ENTREP2: variants seen among roughly 807,000 people sequenced by gnomAD.
The protein encoded by ENTREP2 is protein ENTREP2.
At chr15:29,196,358 T>G in the ENTREP2 span, 1 of 1,503,390 alleles carries the variant, frequency 6.7e-7, no homozygotes, top group Non-Finnish European at 9.0e-7. Context: ...ATCTATATGT[T>G]AATAAGGCTT....
the ENTREP2 span, among the ~76,000 whole-genome samples, chr15:29,596,469 G>A: frequency 3.1e-4 from 47 of 152,186 alleles, no homozygotes; most frequent in African/African-American, 9.6e-4. Flanking sequence ...ATATCCCTAG[G>A]GGGCACAACT....
At chr15:29,466,271 T>A in the ENTREP2 span, among the ~76,000 whole-genome samples, 1 of 152,152 alleles carries the variant, frequency 6.6e-6, no homozygotes, top group Non-Finnish European at 1.5e-5. Context: ...AACAATGATG[T>A]CTGCTTTATG....
At chr15:29,364,294 G>A in the ENTREP2 span, among the ~76,000 whole-genome samples, 2 of 152,112 alleles carry the variant, frequency 1.3e-5, no homozygotes, top group African/African-American at 4.8e-5. Flanking sequence ...AGAGCCAGTT[G>A]GCCTGGGCTG....
chr15:29,148,075 GA>G, the ENTREP2 span, among the ~76,000 whole-genome samples: 1 of 152,132 alleles, frequency 6.6e-6, no homozygotes, highest in Non-Finnish European at 1.5e-5. Flanking sequence ...AATTTATATG[GA>G]ACATGCAGAA....
the ENTREP2 span, among the ~76,000 whole-genome samples, chr15:29,399,685 T>A: frequency 1.3e-5 from 2 of 152,234 alleles, no homozygotes; most frequent in African/African-American, 4.8e-5. Flanking sequence ...TAACTGGTAA[T>A]AGTCTGCTGT....
chr15:29,400,980 A>G, the ENTREP2 span, among the ~76,000 whole-genome samples: 1 of 152,204 alleles, frequency 6.6e-6, no homozygotes, highest in Non-Finnish European at 1.5e-5. Context: ...ACTACGTGCT[A>G]CCTCTTGCCC....
chr15:29,205,781 T>C, the ENTREP2 span, among the ~76,000 whole-genome samples: 1 of 152,260 alleles, frequency 6.6e-6, no homozygotes, highest in Admixed American at 6.5e-5. Flanking sequence ...GTTGATTGTG[T>C]TCTGTGATGA....
the ENTREP2 span, among the ~76,000 whole-genome samples, chr15:29,378,461 A>T: frequency 6.6e-6 from 1 of 152,222 alleles, no homozygotes; most frequent in Non-Finnish European, 1.5e-5. Flanking sequence ...GTTGCTGTGA[A>T]AGTATTTTTG....
chr15:29,604,818 G>C, the ENTREP2 span, among the ~76,000 whole-genome samples: 1 of 152,182 alleles, frequency 6.6e-6, no homozygotes, highest in South Asian at 2.1e-4. Flanking sequence ...CTCAAGCTCA[G>C]TAGTGCTGTC....
the ENTREP2 span, among the ~76,000 whole-genome samples, chr15:29,627,883 TCATC>T: frequency 6.6e-6 from 1 of 152,262 alleles, no homozygotes; most frequent in African/African-American, 2.4e-5. Flanking sequence ...TTTCATTTAT[TCATC>T]CATCCATTGG....
chr15:29,396,275 C>A, the ENTREP2 span, among the ~76,000 whole-genome samples: 2 of 152,032 alleles, frequency 1.3e-5, no homozygotes, highest in Admixed American at 6.6e-5. Context: ...CTCTCTCCCC[C>A]AGCCCCGGGC....
At chr15:29,252,313 T>G in the ENTREP2 span, 7 of 1,107,660 alleles carry the variant, frequency 6.3e-6, no homozygotes, top group Non-Finnish European at 9.3e-6. Flanking sequence ...AAATTGCTCT[T>G]GTACAAAATC....
the ENTREP2 span, among the ~76,000 whole-genome samples, chr15:29,472,712 G>T: frequency 6.6e-6 from 1 of 152,120 alleles, no homozygotes; most frequent in African/African-American, 2.4e-5. Flanking sequence ...TGATCCATCT[G>T]CCTTGGCCTC....
At chr15:29,367,306 T>G in the ENTREP2 span, among the ~76,000 whole-genome samples, 9 of 152,306 alleles carry the variant, frequency 5.9e-5, 1 homozygote, top group Admixed American at 5.9e-4. Flanking sequence ...CAAAGTCCCA[T>G]TCCCAAATAA....
the ENTREP2 span, among the ~76,000 whole-genome samples, chr15:29,344,061 A>T: frequency 1.3e-5 from 2 of 152,308 alleles, no homozygotes; most frequent in Admixed American, 6.5e-5. Flanking sequence ...GTATCCTCCA[A>T]GCATTTGATA....
chr15:29,197,336 C>T, the ENTREP2 span, among the ~76,000 whole-genome samples: 1 of 152,172 alleles, frequency 6.6e-6, no homozygotes, highest in Non-Finnish European at 1.5e-5. Context: ...CCTGCATTTG[C>T]AGCTACTCGG....
the ENTREP2 span, among the ~76,000 whole-genome samples, chr15:29,553,405 T>G: frequency 2.0e-5 from 3 of 152,228 alleles, no homozygotes; most frequent in African/African-American, 7.2e-5. Flanking sequence ...GAACTTACTT[T>G]GGAACTCAGC....
At chr15:29,624,566 G>C in the ENTREP2 span, among the ~76,000 whole-genome samples, 8 of 152,150 alleles carry the variant, frequency 5.3e-5, no homozygotes, top group South Asian at 2.1e-4. Context: ...CTGTCGTTCA[G>C]TGATGTTATT....
chr15:29,330,927 A>G, the ENTREP2 span, among the ~76,000 whole-genome samples: 1 of 152,218 alleles, frequency 6.6e-6, no homozygotes, highest in Non-Finnish European at 1.5e-5. Context: ...CAACGCATAA[A>G]TATCACAGCC....
Sources: gnomAD v4.1 joint callset for allele counts (sites outside exome capture counted in the v4.1 genomes callset) on GRCh38, gnomAD v4.1.1 for gene constraint, MANE v1.5 for transcripts, NCBI Gene and HGNC (gene_info 2026-07-23, HGNC 2026-07-21) for gene names.